The following HDAC9 variants were observed in gnomAD, a reference collection of about 807,000 sequenced individuals.
HDAC9 encodes the protein histone deacetylase 9.
HDAC9 carries 41 observed loss-of-function variants against 139.4 expected under a neutral mutation model. That is an observed-to-expected ratio of 0.29 (90% CI 0.23 to 0.38). HDAC9 has a LOEUF of 0.38. Among genes scored for constraint, HDAC9 ranks in the 10% least tolerant of loss-of-function variants. HDAC9 has a pLI of 1.00. For missense variants in HDAC9, 1,147 were observed against 1,297.0 expected, an observed-to-expected ratio of 0.88 and a Z score of 1.78; for synonymous variants, 517 against 476.2, an observed-to-expected ratio of 1.09 and a Z score of -1.12.
chr7:18,867,680 G>T (rs1295031817), intron 21 of HDAC9, among the ~76,000 whole-genome samples: 1 of 152,040 alleles, frequency 6.6e-6, no homozygotes, highest in Non-Finnish European at 1.5e-5. Flanking sequence ...CTTCACACTG[G>T]TTGGACTAAT....
At position 18,998,153 on chromosome 7, in the gene HDAC9, GA is replaced by G. The variant is rs1786570015; in HGVS notation, c.*2096del. 1 of 152,100 alleles carries G rather than the reference GA, an allele frequency of 6.6e-6. No individual in the cohort carries two copies. The highest frequency in any genetic ancestry group is 2.4e-5 in the African/African-American group (1 of 41,436). 9.4% of individuals were successfully genotyped at this position (152,100 alleles called of 1,614,324 possible). A position where few individuals can be genotyped will look rare whatever the true frequency, so the allele number is the denominator to read the frequency against. ...AAAAAGGAAACTCATGTTTTAATTA[GA>G]AAAATAATTGTGTAGTTTTAAAATC... On this transcript the variant is annotated 3_prime_UTR_variant, in exon 26 of 26. Transcript: ENST00000686413.
At chr7:18,967,504 C>G (rs1432057842) in intron 24 of HDAC9, among the ~76,000 whole-genome samples, 2 of 138,754 alleles carry the variant, frequency 1.4e-5, no homozygotes, top group Admixed American at 7.1e-5. Flanking sequence ...TTGCCCCCCC[C>G]CCAAAAAAAA....
intron 16 of HDAC9, among the ~76,000 whole-genome samples, chr7:18,792,160 T>A (rs1792370950): frequency 6.6e-6 from 1 of 152,084 alleles, no homozygotes; most frequent in South Asian, 2.1e-4. Flanking sequence ...AAAAGGCATG[T>A]GAATATTCTT....
chr7:18,727,625 G>A lies in HDAC9; in HGVS notation c.1777G>A (p.Ala593Thr), dbSNP rs762371096. 2 of 1,588,452 alleles carry A rather than the reference G, an allele frequency of 1.3e-6. No homozygotes were observed. The highest frequency in any genetic ancestry group is 1.2e-5 in the South Asian group (1 of 86,598). Reference protein sequence around the residue: ...THTRALSVRQAPLAAVGMDGL... With the variant: ...THTRALSVRQTPLAAVGMDGL... ...CACACGTGCGCTCTCTGTGCGCCAAGCTCCGCTGGCTGCGGTTGGCATGGA... is the reference window on the plus strand; with the variant it reads ...CACACGTGCGCTCTCTGTGCGCCAAACTCCGCTGGCTGCGGTTGGCATGGA... The change falls in exon 13 of 26, where the codon GCT (alanine) becomes ACT (threonine). Residue 593 changes from alanine (A) to threonine (T), a missense_variant. Coordinates refer to ENST00000686413, the MANE Select transcript of HDAC9 (RefSeq NM_178425.4).
intron 2 of HDAC9, among the ~76,000 whole-genome samples, chr7:18,186,194 A>G (rs1789899755): frequency 2.0e-5 from 3 of 152,250 alleles, no homozygotes; most frequent in Non-Finnish European, 2.9e-5. Context: ...TAGGCAGTCC[A>G]ACACGGTAGC....
intron 2 of HDAC9, among the ~76,000 whole-genome samples, chr7:18,284,061 C>G (rs1797277190): frequency 6.6e-6 from 1 of 152,104 alleles, no homozygotes; most frequent in South Asian, 2.1e-4. Flanking sequence ...TTAAGTGCTA[C>G]CATAATTTTG....
rs144531673 is a variant in HDAC9, at chr7:18,773,651, C to G, written c.2214+6496C>G. ...ATCATCTACTGATTGCTACTTCTGA[C>G]TGCCAAGGAGACGTTAGGCTTAAAT... is the stretch of plus-strand genomic sequence containing the variant. On this transcript the variant is annotated intron_variant, in intron 16 of 25. Transcript: ENST00000686413. Among the ~76,000 whole-genome samples the G allele has an allele frequency of 9.9e-3, 1,513 of 152,082 alleles. 22 individuals are homozygous for G. Among genetic ancestry groups the G allele is most frequent in the African/African-American group, 0.026 (1,067 of 41,512 alleles).
At chr7:18,405,250 C>T (rs923730033) in intron 1 of HDAC9, among the ~76,000 whole-genome samples, 2 of 152,172 alleles carry the variant, frequency 1.3e-5, no homozygotes, top group African/African-American at 4.8e-5. Context: ...CCTAGCTCTC[C>T]CTTAAAACAG....
chr7:18,381,551 A>G (rs1395946274), intron 1 of HDAC9, among the ~76,000 whole-genome samples: 1 of 152,124 alleles, frequency 6.6e-6, no homozygotes, highest in Admixed American at 6.5e-5. Flanking sequence ...AAAATATCAT[A>G]ATGTATGGCA....
chr7:18,733,216 T>A (rs1460606256), intron 13 of HDAC9, among the ~76,000 whole-genome samples: 1 of 148,882 alleles, frequency 6.7e-6, no homozygotes, highest in Non-Finnish European at 1.5e-5. Flanking sequence ...CATGTGTCTA[T>A]ACGTATATAC....
intron 2 of HDAC9, among the ~76,000 whole-genome samples, chr7:18,189,289 A>C (rs1790154248): frequency 6.6e-6 from 1 of 151,808 alleles, no homozygotes; most frequent in Non-Finnish European, 1.5e-5. Context: ...CAGGAGTTGA[A>C]CATTGAGAAC....
intron 2 of HDAC9, among the ~76,000 whole-genome samples, chr7:18,538,447 A>G (rs559164541): frequency 7.9e-5 from 12 of 152,342 alleles, no homozygotes; most frequent in Non-Finnish European, 1.5e-4. Flanking sequence ...GGTAGATGAA[A>G]GGACAGTCTG....
intron 6 of HDAC9, among the ~76,000 whole-genome samples, chr7:18,602,650 T>C (rs1834297539): frequency 2.6e-5 from 4 of 152,116 alleles, no homozygotes; most frequent in Admixed American, 2.0e-4. Context: ...GTATTTTCAT[T>C]TTCATTTAGT....
intron 1 of HDAC9, among the ~76,000 whole-genome samples, chr7:18,353,124 T>C (rs1315724653): frequency 6.6e-6 from 1 of 152,180 alleles, no homozygotes; most frequent in Non-Finnish European, 1.5e-5. Flanking sequence ...GGAAGAATGC[T>C]TAATTAGCTA....
chr7:18,882,200 TTTC>T (rs1563018593), intron 22 of HDAC9, among the ~76,000 whole-genome samples: 1 of 152,130 alleles, frequency 6.6e-6, no homozygotes, highest in Admixed American at 6.6e-5. Flanking sequence ...CATAATTTTT[TTTC>T]TTTTTTGCCA....
chr7:18,145,219 C>G (rs187823025), intron 1 of HDAC9, among the ~76,000 whole-genome samples: 38 of 152,322 alleles, frequency 2.5e-4, no homozygotes, highest in Non-Finnish European at 4.4e-4. Context: ...GTGAATTAGA[C>G]AGACATAATC....
chr7:18,136,611 T>C (rs937215933), intron 1 of HDAC9, among the ~76,000 whole-genome samples: 1 of 152,214 alleles, frequency 6.6e-6, no homozygotes, highest in Non-Finnish European at 1.5e-5. Flanking sequence ...ATCAGATAGC[T>C]GTAGATATGC....
intron 1 of HDAC9, among the ~76,000 whole-genome samples, chr7:18,292,128 G>A (rs1303314464): frequency 1.3e-5 from 2 of 152,116 alleles, no homozygotes; most frequent in Non-Finnish European, 2.9e-5. Context: ...CTATAGTAAT[G>A]GCTGTCATTT....
chr7:18,604,494 C>T (rs1263519928), intron 6 of HDAC9, among the ~76,000 whole-genome samples: 1 of 151,736 alleles, frequency 6.6e-6, no homozygotes, highest in African/African-American at 2.4e-5. Flanking sequence ...GCAAGCTCTG[C>T]CTCCTGGGTT....
Sources: gnomAD v4.1 joint callset for allele counts (sites outside exome capture counted in the v4.1 genomes callset) on GRCh38, gnomAD v4.1.1 for gene constraint, MANE v1.5 for transcripts, NCBI Gene and HGNC (gene_info 2026-07-23, HGNC 2026-07-21) for gene names.